SHISA6: variants seen among roughly 807,000 people sequenced by gnomAD.
SHISA6 encodes shisa family member 6.
In SHISA6, 22 loss-of-function variants were observed where a neutral mutation model predicts 47.9. The observed-to-expected ratio is 0.46, with a 90% CI of 0.33 to 0.66. The LOEUF (loss-of-function observed/expected upper bound fraction) is 0.66, where lower values mean the gene tolerates loss of function less well. Ranked by LOEUF, SHISA6 falls within the 30% of genes least tolerant of loss-of-function variation. The pLI, the probability that SHISA6 is intolerant of heterozygous loss-of-function variation, is 0.02. For missense variants in SHISA6, 680 were observed against 764.6 expected (o/e 0.89, Z 1.30); for synonymous variants, 388 against 337.8 (o/e 1.15, Z -1.63).
chr17:11,502,662 G>A (rs190146520), intron 3 of SHISA6, among the ~76,000 whole-genome samples: 72 of 152,224 alleles, frequency 4.7e-4, no homozygotes, highest in African/African-American at 1.6e-3. Flanking sequence ...AGGAGGCAGA[G>A]GTTGCAGTGA....
intron 3 of SHISA6, among the ~76,000 whole-genome samples, chr17:11,486,395 C>G (rs538008915): frequency 6.6e-6 from 1 of 152,326 alleles, no homozygotes; most frequent in East Asian, 1.9e-4. Context: ...GGTCTCTTTG[C>G]TCTGAATGAC....
intron 3 of SHISA6, among the ~76,000 whole-genome samples, chr17:11,389,285 A>T (rs963158955): frequency 1.3e-5 from 2 of 152,118 alleles, no homozygotes; most frequent in African/African-American, 4.8e-5. Flanking sequence ...TGGTGTAAGG[A>T]GAGGAGAGAT....
At chr17:11,452,248 T>C (rs1056991987) in intron 3 of SHISA6, among the ~76,000 whole-genome samples, 1 of 152,240 alleles carries the variant, frequency 6.6e-6, no homozygotes, top group Non-Finnish European at 1.5e-5. Flanking sequence ...AGTATTTCTT[T>C]GTGGGATGCT....
At chr17:11,526,110 A>ACCC (rs11393269) in intron 3 of SHISA6, among the ~76,000 whole-genome samples, 15,562 of 146,436 alleles carry the variant, frequency 0.11, 979 homozygotes, top group African/African-American at 0.16. Context: ...TACCAAGGGG[A>ACCC]CCCCCCCCCG....
chr17:11,411,438 C>T (rs1914114605), intron 3 of SHISA6, among the ~76,000 whole-genome samples: 1 of 151,914 alleles, frequency 6.6e-6, no homozygotes. Context: ...ACTCTGTAGC[C>T]CAGGCTGGAG....
chr17:11,366,152 A>G (rs578153719), intron 2 of SHISA6, among the ~76,000 whole-genome samples: 16 of 152,270 alleles, frequency 1.1e-4, no homozygotes, highest in Admixed American at 3.3e-4. Flanking sequence ...ACATTTGTAT[A>G]TATGTATATT....
intron 2 of SHISA6, among the ~76,000 whole-genome samples, chr17:11,282,937 CA>C (rs1260012304): frequency 6.6e-6 from 1 of 152,054 alleles, no homozygotes; most frequent in Non-Finnish European, 1.5e-5. Context: ...GTGGAGAGCT[CA>C]AAATAGGTTT....
At chr17:11,440,860 C>G (rs991000551) in intron 3 of SHISA6, among the ~76,000 whole-genome samples, 2 of 151,848 alleles carry the variant, frequency 1.3e-5, no homozygotes, top group African/African-American at 4.8e-5. Context: ...CAGCCATGCT[C>G]TTCTTACAGT....
At chr17:11,416,372 A>G (rs1221252481) in intron 3 of SHISA6, among the ~76,000 whole-genome samples, 1 of 152,204 alleles carries the variant, frequency 6.6e-6, no homozygotes, top group Non-Finnish European at 1.5e-5. Flanking sequence ...AGACGGCAGT[A>G]TTATTTTCAT....
At chr17:11,509,020 C>CCAGCTGATTATAAAAT (rs151306535) in intron 3 of SHISA6, among the ~76,000 whole-genome samples, 9,360 of 108,484 alleles carry the variant, frequency 0.086, 368 homozygotes, top group East Asian at 0.14. Flanking sequence ...CATAATAGCA[C>CCAGCTGATTATAAAAT]CAGCTGATTA....
chr17:11,509,232 T>C (rs181798952), intron 3 of SHISA6, among the ~76,000 whole-genome samples: 3 of 152,314 alleles, frequency 2.0e-5, no homozygotes, highest in Admixed American at 1.3e-4. Flanking sequence ...TTAGCTACCA[T>C]TGGAGCCCCC....
chr17:11,410,255 A>G (rs1054910617), intron 3 of SHISA6, among the ~76,000 whole-genome samples: 1 of 152,170 alleles, frequency 6.6e-6, no homozygotes, highest in Non-Finnish European at 1.5e-5. Context: ...TCAATCAACA[A>G]CCCTCGGAGG....
At chr17:11,323,681 TAATAATA>T (rs1910784225) in intron 2 of SHISA6, among the ~76,000 whole-genome samples, 1 of 149,738 alleles carries the variant, frequency 6.7e-6, no homozygotes, top group Non-Finnish European at 1.5e-5. Flanking sequence ...ATAATAATAA[TAATAATA>T]ATAATAATAA....
At chr17:11,521,742 G>A (rs1355449665) in intron 3 of SHISA6, among the ~76,000 whole-genome samples, 1 of 152,088 alleles carries the variant, frequency 6.6e-6, no homozygotes, top group Non-Finnish European at 1.5e-5. Flanking sequence ...GTTCAAAAGT[G>A]CAGTGAGCTA....
In SHISA6 at chr17:11,243,839, A is replaced by C. The variant is rs561715338; in HGVS notation, c.638+1779A>C. 2.6e-5 allele frequency among the ~76,000 whole-genome samples: 4 copies of C among 152,214 alleles called. No homozygotes were observed. In the East Asian group the frequency reaches 7.7e-4, roughly 29 times the overall value. The stretch of plus-strand genomic sequence containing the variant: ...CAGCCGCTTGCTCGTTGATTCCTAC[A>C]CATCTTTCTTTAAGTTACTTTCTTT... On this transcript the variant is annotated intron_variant, in intron 1 of 5. Coordinates refer to ENST00000441885, the MANE Select transcript of SHISA6 (RefSeq NM_207386.4).
intron 3 of SHISA6, among the ~76,000 whole-genome samples, chr17:11,397,553 G>A (rs764298017): frequency 6.6e-6 from 1 of 152,026 alleles, no homozygotes; most frequent in African/African-American, 2.4e-5. Flanking sequence ...GTTCTTGTGT[G>A]TTGAAACTGT....
rs565820950 is a variant in SHISA6 at position 11,251,653 on chromosome 17, G to A, written c.638+9593G>A. On this transcript the variant is annotated intron_variant, in intron 1 of 5. Transcript: ENST00000441885. Reference sequence around the variant, plus strand: ...TGCCCCATGTCTAACATCTAGCATCGTGCATGCAAGACACAGCACTTTAGC... The same window carrying A: ...TGCCCCATGTCTAACATCTAGCATCATGCATGCAAGACACAGCACTTTAGC... Among the ~76,000 whole-genome samples, 11 of 152,182 alleles carry A rather than the reference G, an allele frequency of 7.2e-5. No homozygotes were observed. In the South Asian group the frequency reaches 1.9e-3, roughly 26 times the overall value.
chr17:11,260,179 G>C (rs1908173443), intron 1 of SHISA6, among the ~76,000 whole-genome samples: 1 of 152,170 alleles, frequency 6.6e-6, no homozygotes, highest in African/African-American at 2.4e-5. Flanking sequence ...TTTGCTGCCT[G>C]ATTAATTTAC....
chr17:11,397,471 A>G (rs1362008890), intron 3 of SHISA6, among the ~76,000 whole-genome samples: 1 of 143,870 alleles, frequency 7.0e-6, no homozygotes, highest in African/African-American at 2.7e-5. Context: ...AAGTTTGCCC[A>G]GTCCTCTCTT....
Sources: gnomAD v4.1 joint callset for allele counts (sites outside exome capture counted in the v4.1 genomes callset) on GRCh38, gnomAD v4.1.1 for gene constraint, MANE v1.5 for transcripts, NCBI Gene and HGNC (gene_info 2026-07-23, HGNC 2026-07-21) for gene names.